The following ATXN8OS variants were observed in gnomAD, a reference collection of about 807,000 sequenced individuals.
ATXN8OS encodes ATXN8 opposite strand (non-protein coding).
At chr13:70,107,706 C>G, upstream of ATXN8OS, 1 of 1,514,190 alleles carries the variant, frequency 6.6e-7, no homozygotes, top group Non-Finnish European at 8.8e-7. Context: ...ACATGCTTTA[C>G]GCACAGAAGG....
At chr13:70,146,817 T>C (rs1179511749) in intron 3 of ATXN8OS, among the ~76,000 whole-genome samples, 2 of 151,970 alleles carry the variant, frequency 1.3e-5, no homozygotes, top group African/African-American at 2.4e-5. Context: ...TAATGCTAAA[T>C]GACAAGTTAA....
intron 3 of ATXN8OS, chr13:70,139,445 A>G: frequency 1.4e-6 from 1 of 695,272 alleles, no homozygotes; most frequent in Non-Finnish European, 2.4e-6. Flanking sequence ...TTAAAAATAT[A>G]TTATCTTATT....
intron 1 of ATXN8OS, among the ~76,000 whole-genome samples, chr13:70,114,437 T>C (rs1002414734): frequency 6.6e-6 from 1 of 152,134 alleles, no homozygotes; most frequent in African/African-American, 2.4e-5. Flanking sequence ...AATCTGTAAA[T>C]TAAAGCATAC....
exon 5 of ATXN8OS, among the ~76,000 whole-genome samples, chr13:70,170,751 A>G (rs1391517087): frequency 2.0e-5 from 3 of 152,108 alleles, no homozygotes; most frequent in Admixed American, 1.3e-4. Flanking sequence ...AACGACAACG[A>G]TATGTTCTGA....
intron 4 of ATXN8OS, among the ~76,000 whole-genome samples, chr13:70,169,594 G>A (rs1054376625): frequency 2.6e-5 from 4 of 152,016 alleles, no homozygotes; most frequent in Non-Finnish European, 5.9e-5. Flanking sequence ...CGCCCAGCCA[G>A]AAAACATTTA....
At chr13:70,151,965 C>G (rs1397313054) in intron 4 of ATXN8OS, among the ~76,000 whole-genome samples, 2 of 152,030 alleles carry the variant, frequency 1.3e-5, no homozygotes, top group East Asian at 3.9e-4. Context: ...TGGTTTTCAC[C>G]TACTACACTT....
intron 4 of ATXN8OS, among the ~76,000 whole-genome samples, chr13:70,168,873 A>G (rs900899368): frequency 1.3e-5 from 2 of 152,046 alleles, no homozygotes; most frequent in Non-Finnish European, 2.9e-5. Flanking sequence ...TTTATTTGTT[A>G]GTATGGATTT....
chr13:70,140,830 C>T (rs1488052860), intron 3 of ATXN8OS, among the ~76,000 whole-genome samples: 1 of 151,930 alleles, frequency 6.6e-6, no homozygotes, highest in African/African-American at 2.4e-5. Flanking sequence ...ACTGAGTGTT[C>T]CAGCTTATTC....
chr13:70,137,858 TCA>T (rs1057289149), intron 3 of ATXN8OS, among the ~76,000 whole-genome samples: 1 of 152,200 alleles, frequency 6.6e-6, no homozygotes, highest in Non-Finnish European at 1.5e-5. Flanking sequence ...TTTAATTGAC[TCA>T]CAGTTCCATG....
chr13:70,165,682 GCAATCA>G (rs1253779519), intron 4 of ATXN8OS, among the ~76,000 whole-genome samples: 1 of 151,912 alleles, frequency 6.6e-6, no homozygotes, highest in Non-Finnish European at 1.5e-5. Flanking sequence ...ATCCATAGCA[GCAATCA>G]CTGATAGAGC....
chr13:70,163,432 G>A (rs552484277), intron 4 of ATXN8OS, among the ~76,000 whole-genome samples: 1 of 151,950 alleles, frequency 6.6e-6, no homozygotes, highest in Non-Finnish European at 1.5e-5. Context: ...CTGTCACCAT[G>A]TCATACTTAG....
intron 4 of ATXN8OS, among the ~76,000 whole-genome samples, chr13:70,153,480 C>A (rs190389700): frequency 6.6e-6 from 1 of 152,214 alleles, no homozygotes; most frequent in Admixed American, 6.5e-5. Context: ...GAGGCTGAGG[C>A]AGGAGAATCG....
upstream of ATXN8OS, chr13:70,107,536 C>A: frequency 1.2e-6 from 2 of 1,609,882 alleles, no homozygotes; most frequent in South Asian, 2.2e-5. Flanking sequence ...TTTGAGCAGG[C>A]GACTCTGGCT....
chr13:70,143,922 ATTC>A (rs1888748568), intron 3 of ATXN8OS, among the ~76,000 whole-genome samples: 2 of 152,274 alleles, frequency 1.3e-5, no homozygotes, highest in South Asian at 4.1e-4. Context: ...ATTAAAATAA[ATTC>A]TTATTTACGA....
intron 4 of ATXN8OS, among the ~76,000 whole-genome samples, chr13:70,168,262 G>T (rs1271732551): frequency 1.3e-5 from 2 of 151,940 alleles, no homozygotes; most frequent in Admixed American, 1.3e-4. Flanking sequence ...TTTTTATGGG[G>T]TACATGTCTA....
At chr13:70,162,637 TTGATA>T (rs1050642013) in intron 4 of ATXN8OS, among the ~76,000 whole-genome samples, 12 of 152,038 alleles carry the variant, frequency 7.9e-5, no homozygotes, top group Admixed American at 1.3e-4. Context: ...TAAATTTGAT[TTGATA>T]TAAGAAACTG....
At chr13:70,166,070 C>G (rs1165896302) in intron 4 of ATXN8OS, among the ~76,000 whole-genome samples, 2 of 152,008 alleles carry the variant, frequency 1.3e-5, no homozygotes, top group African/African-American at 4.8e-5. Flanking sequence ...AGAAAAATCT[C>G]TCATCATAAT....
chr13:70,150,872 T>C (rs545118896), intron 4 of ATXN8OS, among the ~76,000 whole-genome samples: 2 of 152,240 alleles, frequency 1.3e-5, no homozygotes, highest in Admixed American at 1.3e-4. Context: ...TATGTGCATT[T>C]CACATTAAAA....
At chr13:70,141,850 A>G (rs1888719905) in intron 3 of ATXN8OS, among the ~76,000 whole-genome samples, 1 of 152,036 alleles carries the variant, frequency 6.6e-6, no homozygotes, top group South Asian at 2.1e-4. Context: ...ACACACATAT[A>G]TACATACATA....
Sources: allele counts gnomAD v4.1 joint callset (sites outside exome capture counted in the v4.1 genomes callset), GRCh38; gene constraint gnomAD v4.1.1; transcripts MANE v1.5; gene names NCBI Gene and HGNC (gene_info 2026-07-23, HGNC 2026-07-21).